The following CHST3 variants were observed in gnomAD, a reference collection of about 807,000 sequenced individuals.
CHST3 encodes the protein C6ST-1.
In CHST3, 20 loss-of-function variants were observed where a neutral mutation model predicts 35.4. That is an observed-to-expected ratio of 0.57 (90% confidence interval 0.40 to 0.82). The LOEUF is 0.82. Ranked by LOEUF, CHST3 falls within the 40% of genes least tolerant of loss-of-function variation. The probability of loss-of-function intolerance (pLI) is 0.00; values close to 1 mark genes in which losing one functional copy is unlikely to be tolerated. For synonymous variants in CHST3, 334 were observed against 295.9 expected (o/e 1.13, Z -1.32); for missense variants, 693 against 670.1 (o/e 1.03, Z -0.38).
intron 1 of CHST3, among the ~76,000 whole-genome samples, chr10:71,972,216 C>T (rs1239105081): frequency 6.6e-6 from 1 of 152,134 alleles, no homozygotes; most frequent in African/African-American, 2.4e-5. Flanking sequence ...GGGGCAAAGC[C>T]GGGCCTGAGC....
At chr10:72,005,421 T>A (rs1242583832) in intron 1 of CHST3, among the ~76,000 whole-genome samples, 1 of 152,156 alleles carries the variant, frequency 6.6e-6, no homozygotes, top group African/African-American at 2.4e-5. Context: ...CCATTTTCAT[T>A]TAGGTGTTTG....
At chr10:72,000,418 A>G (rs7907616) in intron 1 of CHST3, among the ~76,000 whole-genome samples, 95,614 of 151,860 alleles carry the variant, frequency 0.63, 30,908 homozygotes, top group African/African-American at 0.78. Flanking sequence ...GCAGGGCGCC[A>G]AGAGGGAAAG....
In CHST3 at chr10:71,999,506, G is replaced by A. The variant is rs979187320; in HGVS notation, c.-107-6230G>A. ...AGCTCGTGGGAAAGGCCGAGAGGCCGGGCCAGCAACAGCTGAGCATCCCCT... is the reference window on the plus strand; with the variant it reads ...AGCTCGTGGGAAAGGCCGAGAGGCCAGGCCAGCAACAGCTGAGCATCCCCT... On this transcript the variant is annotated intron_variant, in intron 1 of 2. Coordinates refer to ENST00000373115, the MANE Select transcript of CHST3 (RefSeq NM_004273.5). Among the ~76,000 whole-genome samples, 8 of 152,316 alleles carry A rather than the reference G, an allele frequency of 5.3e-5. No homozygotes were observed. The East Asian group carries it at 1.5e-3, about 29-fold the overall frequency.
rs1401818587 is a variant in CHST3 at position 72,013,360 on chromosome 10, C to G, written c.*4889C>G. 1 of 152,224 alleles carries G rather than the reference C, an allele frequency of 6.6e-6. No homozygotes were observed. The highest frequency in any genetic ancestry group is 2.4e-5 in the African/African-American group (1 of 41,440). The allele number at this position is 152,224 out of a possible 1,614,324, so 9.4% of individuals were successfully genotyped here. On this transcript the variant is annotated 3_prime_UTR_variant, in exon 3 of 3. Transcript: ENST00000373115. ...GCGCCGTTCCACATTGCTCCCAGCC[C>G]CATTGCTGTCACTGTCGTCCCAGAT...
intron 1 of CHST3, among the ~76,000 whole-genome samples, chr10:72,002,515 C>A (rs1231170824): frequency 3.3e-5 from 5 of 152,212 alleles, no homozygotes; most frequent in Non-Finnish European, 7.3e-5. Context: ...TCAGCAGGGA[C>A]TGCCCTTTTC....
At chr10:71,965,648 G>A (rs1422069776) in intron 1 of CHST3, among the ~76,000 whole-genome samples, 1 of 152,214 alleles carries the variant, frequency 6.6e-6, no homozygotes. Context: ...ATGTACGGGG[G>A]ATTGTCCTGG....
chr10:71,970,418 C>T (rs1447749793), intron 1 of CHST3, among the ~76,000 whole-genome samples: 1 of 152,158 alleles, frequency 6.6e-6, no homozygotes, highest in East Asian at 1.9e-4. Flanking sequence ...TCCTGAATGC[C>T]GCAAGTAAAC....
chr10:71,992,237 G>C (rs997980453), intron 1 of CHST3, among the ~76,000 whole-genome samples: 6 of 152,058 alleles, frequency 3.9e-5, no homozygotes, highest in African/African-American at 1.4e-4. Flanking sequence ...AGGCTGGAGT[G>C]CAATGCCACA....
intron 2 of CHST3, among the ~76,000 whole-genome samples, chr10:72,006,198 GC>G (rs1003662172): frequency 2.0e-5 from 3 of 152,112 alleles, no homozygotes; most frequent in East Asian, 1.9e-4. Context: ...CTGGGTTGGA[GC>G]CCCCCCATGT....
rs111643980 is a variant in CHST3, at chr10:71,977,954, A to G, written c.-108+13260A>G. Among the ~76,000 whole-genome samples, 54 of 152,312 alleles carry G rather than the reference A, an allele frequency of 3.5e-4. 1 individual carries two copies. Among genetic ancestry groups the G allele is most frequent in the African/African-American group, 1.2e-3 (48 of 41,568 alleles). ...AGCCACTGGCTGAGAAGTGAAGTCC[A>G]TGAAGCATTCAGCAATAGTAACAGC... On this transcript the variant is annotated intron_variant, in intron 1 of 2. Transcript: ENST00000373115.
At chr10:71,999,802 C>T (rs1839975125) in intron 1 of CHST3, among the ~76,000 whole-genome samples, 1 of 152,204 alleles carries the variant, frequency 6.6e-6, no homozygotes, top group African/African-American at 2.4e-5. Context: ...AGCAGAAAGA[C>T]CCCTGGGGGA....
At chr10:71,978,944 G>A (rs1044150817) in intron 1 of CHST3, among the ~76,000 whole-genome samples, 2 of 152,176 alleles carry the variant, frequency 1.3e-5, no homozygotes, top group African/African-American at 4.8e-5. Context: ...GGAGTCCAGT[G>A]CCAAGGGGGA....
chr10:71,966,244 A>C (rs1321070825), intron 1 of CHST3, among the ~76,000 whole-genome samples: 1 of 151,902 alleles, frequency 6.6e-6, no homozygotes, highest in African/African-American at 2.4e-5. Context: ...CTGGCTGGAG[A>C]TGGGTCTCAT....
chr10:71,996,534 G>C (rs975622837), intron 1 of CHST3, among the ~76,000 whole-genome samples: 1 of 151,750 alleles, frequency 6.6e-6, no homozygotes, highest in Non-Finnish European at 1.5e-5. Context: ...GGAGATACTG[G>C]TGTGTCCTAT....
chr10:71,976,346 G>A (rs1034203936), intron 1 of CHST3, among the ~76,000 whole-genome samples: 7 of 152,186 alleles, frequency 4.6e-5, no homozygotes, highest in Non-Finnish European at 8.8e-5. Context: ...GTGCTGTGGG[G>A]ACACGGGTCT....
chr10:71,986,065 T>A (rs11000124), intron 1 of CHST3, among the ~76,000 whole-genome samples: 38,464 of 152,188 alleles, frequency 0.25, 7,776 homozygotes, highest in African/African-American at 0.57. Flanking sequence ...GTTGTTTTTT[T>A]TTACTAAGTA....
intron 1 of CHST3, among the ~76,000 whole-genome samples, chr10:71,988,169 A>G (rs1839867159): frequency 6.6e-6 from 1 of 152,222 alleles, no homozygotes; most frequent in African/African-American, 2.4e-5. Flanking sequence ...TTTTGTAATA[A>G]TGAGCATGAC....
At chr10:71,977,116 C>G (rs1839753220) in intron 1 of CHST3, among the ~76,000 whole-genome samples, 1 of 152,244 alleles carries the variant, frequency 6.6e-6, no homozygotes, top group African/African-American at 2.4e-5. Context: ...GCGTCCAGCT[C>G]TTCCCGAGGA....
At chr10:71,996,434 CA>C (rs1839939531) in intron 1 of CHST3, among the ~76,000 whole-genome samples, 1 of 142,870 alleles carries the variant, frequency 7.0e-6, no homozygotes, top group South Asian at 2.3e-4. Context: ...AACCCCCCCC[CA>C]ACGTATGTGT....
Sources: allele counts gnomAD v4.1 joint callset (sites outside exome capture counted in the v4.1 genomes callset), GRCh38; gene constraint gnomAD v4.1.1; transcripts MANE v1.5; gene names NCBI Gene and HGNC (gene_info 2026-07-23, HGNC 2026-07-21).